The following WFS1 variants were observed in gnomAD, a reference collection of about 807,000 sequenced individuals.
WFS1 encodes wolframin ER transmembrane glycoprotein, also known as wolframin.
A neutral mutation model predicts 68.5 loss-of-function variants in WFS1; 90 were observed. The observed-to-expected ratio is 1.31, with a 90% CI of 1.11 to 1.56. The LOEUF (loss-of-function observed/expected upper bound fraction) is 1.56, where lower values mean the gene tolerates loss of function less well. Among genes scored for constraint, WFS1 ranks in the 40% most tolerant of loss-of-function variants. The pLI is 0.00. For missense variants in WFS1, 1,767 were observed against 1,232.6 expected, an observed-to-expected ratio of 1.43 and a Z score of -6.49; for synonymous variants, 860 against 540.7, an observed-to-expected ratio of 1.59 and a Z score of -8.19.
intron 2 of WFS1, 111 bp downstream of exon 2, chr4:6,277,798 C>A: frequency 1.6e-6 from 2 of 1,219,074 alleles, no homozygotes; most frequent in Non-Finnish European, 2.3e-6. Context: ...TGCAGTTCAG[C>A]ATTGTGCAGC....
At position 6,301,797 on chromosome 4, in the gene WFS1, C is replaced by T. The variant is rs1335308693; in HGVS notation, c.2002C>T (p.Gln668Ter). 6 of 1,613,366 alleles carry T rather than the reference C, an allele frequency of 3.7e-6. No homozygotes were observed. In the Admixed American group the frequency reaches 5.0e-5, roughly 13 times the overall value. Residue 668 changes from glutamine to a stop codon, truncating the protein, a stop_gained, in exon 8 of 8, where the codon CAG becomes TAG. Coordinates refer to ENST00000226760, the MANE Select transcript of WFS1 (RefSeq NM_006005.3). LOFTEE classifies it high-confidence loss of function. ...KVYNSTLTWQ[Q>*]YGALCGPRAW... ...CTACAACTCCACACTGACCTGGCAG[C>T]AGTATGGTGCGCTGTGCGGGCCACG...
chr4:6,302,244 C>G lies in WFS1; in HGVS notation c.2449C>G (p.Leu817Val). The change falls in exon 8 of 8, where the codon CTG (leucine) becomes GTG (valine). Residue 817 changes from leucine to valine, a missense_variant. Leu to Val is a conservative substitution (Grantham distance 32). Transcript: ENST00000226760. ...SSEFKSVLLS[L>V]RQGSLIEFST... The stretch of plus-strand genomic sequence containing the variant: ...CGAGTTCAAGAGCGTGCTGCTCAGC[C>G]TGCGCCAGGGCAGCCTCATCGAGTT... 1.2e-6 allele frequency: 2 copies of G among 1,606,056 alleles called. No individual in the cohort carries two copies. Among genetic ancestry groups the G allele is most frequent in the Admixed American group, 1.7e-5 (1 of 59,856 alleles).
At chr4:6,272,351 G>C (rs1026992220) in intron 1 of WFS1, among the ~76,000 whole-genome samples, 3 of 152,200 alleles carry the variant, frequency 2.0e-5, no homozygotes, top group Non-Finnish European at 4.4e-5. Flanking sequence ...TGGCCGTCAT[G>C]AATGCTGCTT....
chr4:6,297,589 C>T (rs1425009444), intron 7 of WFS1, among the ~76,000 whole-genome samples: 1 of 152,184 alleles, frequency 6.6e-6, no homozygotes, highest in African/African-American at 2.4e-5. Context: ...CGTCTCGGCT[C>T]CCTTCCCCAG....
chr4:6,285,470 G>A (rs570383664), intron 2 of WFS1, among the ~76,000 whole-genome samples: 3 of 152,140 alleles, frequency 2.0e-5, no homozygotes, highest in Admixed American at 1.3e-4. Context: ...GCTGGAGTGC[G>A]TGTGCCTGAC....
At chr4:6,277,032 G>A (rs1730013384) in intron 1 of WFS1, among the ~76,000 whole-genome samples, 1 of 152,202 alleles carries the variant, frequency 6.6e-6, no homozygotes, top group Admixed American at 6.5e-5. Context: ...CCAAATAAGG[G>A]CACATTCACA....
chr4:6,301,055 C>T lies in WFS1; in HGVS notation c.1260C>T (p.Pro420=), dbSNP rs1560418695. 2.5e-6 allele frequency: 4 copies of T among 1,614,190 alleles called. No individual in the cohort carries two copies. The highest frequency in any genetic ancestry group is 2.5e-6 in the Non-Finnish European group (3 of 1,180,036). The change falls in exon 8 of 8, where the codon CCC becomes CCT. Residue 420 remains proline (P), a synonymous_variant. Transcript: ENST00000226760. ...TCTTCTTCGTCATCTTCTCCTTCCC[C>T]ATCGCCAGCAAGGACTGCATCCCCT... is the stretch of plus-strand genomic sequence containing the variant. The part of the protein sequence containing the change: ...LSVFFVIFSF[P]IASKDCIPCS...
intron 6 of WFS1, among the ~76,000 whole-genome samples, chr4:6,292,672 G>A (rs1217655281): frequency 6.7e-6 from 1 of 149,676 alleles, no homozygotes; most frequent in Non-Finnish European, 1.5e-5. Context: ...GGAGAAGATA[G>A]ACAGGCAGGA....
chr4:6,288,762 G>A lies in WFS1; in HGVS notation c.316-225G>A, dbSNP rs113708310. On this transcript the variant is annotated intron_variant, in intron 3 of 7. Transcript: ENST00000226760. ...AGTCGGAGCCCGTGTCTCCCTCGCC[G>A]TGTGGATGGGGTGGCCACACCTTCC... 3,488 of 630,392 alleles carry A rather than the reference G, an allele frequency of 5.5e-3. 80 individuals are homozygous for A. The highest frequency in any genetic ancestry group is 0.055 in the African/African-American group (3,052 of 55,876). The allele number at this position is 630,392 out of a possible 1,614,324, so 39.0% of individuals were successfully genotyped here.
At position 6,302,327 on chromosome 4, in the gene WFS1, C is replaced by T. The variant is rs767155345; in HGVS notation, c.2532C>T (p.Ala844=). Residue 844 remains alanine (A), a synonymous_variant, in exon 8 of 8, where the codon GCC becomes GCT. Coordinates refer to ENST00000226760, the MANE Select transcript of WFS1 (RefSeq NM_006005.3). Reference sequence around the variant, plus strand: ...AGTGGCCTGTCTTCGAGCTCAAGGCCATCAGCTGCCTCAACTGCATGGCCC... The same window carrying T: ...AGTGGCCTGTCTTCGAGCTCAAGGCTATCAGCTGCCTCAACTGCATGGCCC... ...GSKWPVFELK[A]ISCLNCMAQL... The T allele has an allele frequency of 3.1e-6, 5 of 1,612,370 alleles. No homozygotes were observed. In the South Asian group the frequency reaches 5.5e-5, roughly 18 times the overall value.
chr4:6,302,159 C>T lies in WFS1; in HGVS notation c.2364C>T (p.Asp788=), dbSNP rs144030395. ...TVGMPFSSGA[D]GSRSREEDDV... The stretch of plus-strand genomic sequence containing the variant: ...GCATGCCATTCAGCAGCGGCGCTGA[C>T]GGCTCGCGCAGCCGCGAGGAGGACG... The change falls in exon 8 of 8, where the codon GAC becomes GAT. Residue 788 remains aspartate (D), a synonymous_variant. Transcript: ENST00000226760. 113 of 1,612,834 alleles carry T rather than the reference C, an allele frequency of 7.0e-5. 1 individual carries two copies. Among genetic ancestry groups the T allele is most frequent in the African/African-American group, 6.7e-4 (50 of 75,068 alleles).
At chr4:6,300,152 C>T (rs1213430340) in intron 7 of WFS1, among the ~76,000 whole-genome samples, 2 of 152,150 alleles carry the variant, frequency 1.3e-5, no homozygotes, top group African/African-American at 2.4e-5. Context: ...CTCTGCCACC[C>T]CTCCGGGGAC....
intron 7 of WFS1, 39 bp from the exon 8 acceptor site, chr4:6,300,618 C>T (rs768244490): frequency 8.1e-6 from 13 of 1,613,280 alleles, no homozygotes; most frequent in South Asian, 1.1e-5. Context: ...AGTGGGGGTC[C>T]TGTCCCAGCC....
intron 2 of WFS1, among the ~76,000 whole-genome samples, chr4:6,285,292 C>T (rs952230132): frequency 2.7e-5 from 4 of 146,382 alleles, no homozygotes; most frequent in African/African-American, 5.1e-5. Flanking sequence ...GGGCGTCCAG[C>T]GAGAGGAGCC....
At chr4:6,279,702 G>A (rs1185147923) in intron 2 of WFS1, among the ~76,000 whole-genome samples, 1 of 152,198 alleles carries the variant, frequency 6.6e-6, no homozygotes, top group African/African-American at 2.4e-5. Context: ...TAGCGCGGGG[G>A]ACAACCCACA....
chr4:6,276,073 C>G (rs1181502086), intron 1 of WFS1, among the ~76,000 whole-genome samples: 1 of 152,198 alleles, frequency 6.6e-6, no homozygotes, highest in African/African-American at 2.4e-5. Flanking sequence ...GAGCGAGACT[C>G]TCTGTTACCA....
At position 6,269,912 on chromosome 4, in the gene WFS1, A is replaced by C. The variant is rs1302005507; in HGVS notation, c.-108A>C. ...GTGCAGATTGCTCCCCCGCGGCCGC[A>C]GATCTCCCGTTTGCGCCGCGTTCAG... is the stretch of plus-strand genomic sequence containing the variant. On this transcript the variant is annotated 5_prime_UTR_variant, in exon 1 of 8. Transcript: ENST00000226760. The C allele has an allele frequency of 6.6e-6, 1 of 152,002 alleles. No individual in the cohort carries two copies. The highest frequency in any genetic ancestry group is 1.9e-4 in the East Asian group (1 of 5,132). The allele number at this position is 152,002 out of a possible 1,614,324, so 9.4% of individuals were successfully genotyped here. A position where few individuals can be genotyped will look rare whatever the true frequency, so the allele number is the denominator to read the frequency against.
At chr4:6,271,394 C>T (rs1036868625) in intron 1 of WFS1, among the ~76,000 whole-genome samples, 4 of 152,210 alleles carry the variant, frequency 2.6e-5, no homozygotes, top group Admixed American at 6.5e-5. Flanking sequence ...CTGCCCATCC[C>T]GGACCAGTGC....
Position 6,302,278 on chromosome 4 carries a change from T to C in WFS1, c.2483T>C (p.Ile828Thr). Residue 828 changes from isoleucine (I) to threonine (T), a missense_variant, in exon 8 of 8, where the codon ATC becomes ACC. By Grantham distance (89) the Ile-to-Thr change is moderately conservative. Transcript: ENST00000226760. ...GGCAGCCTCATCGAGTTCAGCACCATCCTGGAGGGCCGCCTGGGCAGCAAG... is the reference window on the plus strand; with the variant it reads ...GGCAGCCTCATCGAGTTCAGCACCACCCTGGAGGGCCGCCTGGGCAGCAAG... ...RQGSLIEFST[I>T]LEGRLGSKWP... 2 of 1,605,916 alleles carry C rather than the reference T, an allele frequency of 1.2e-6. No individual in the cohort carries two copies. Among genetic ancestry groups the C allele is most frequent in the Non-Finnish European group, 1.7e-6 (2 of 1,174,704 alleles).
Sources: allele counts gnomAD v4.1 joint callset (sites outside exome capture counted in the v4.1 genomes callset), GRCh38; gene constraint gnomAD v4.1.1; transcripts MANE v1.5; gene names NCBI Gene and HGNC (gene_info 2026-07-23, HGNC 2026-07-21).